Variants in KIF6 observed in about 807,000 individuals in gnomAD.
KIF6 encodes the protein kinesin family member 6.
In KIF6, 106 loss-of-function variants were observed where a neutral mutation model predicts 112.7. The ratio of observed to expected loss-of-function variants is 0.94; its 90% CI spans 0.80 to 1.11. KIF6 has a LOEUF of 1.11. KIF6 is among the 50% of genes least tolerant of loss of function. The pLI is 0.00. For missense variants in KIF6, 929 were observed against 964.0 expected, an observed-to-expected ratio of 0.96 and a Z score of 0.48; for synonymous variants, 339 against 339.9, an observed-to-expected ratio of 1.00 and a Z score of 0.03.
At chr6:39,385,351 G>C (rs1767320774) in intron 16 of KIF6, among the ~76,000 whole-genome samples, 1 of 152,168 alleles carries the variant, frequency 6.6e-6, no homozygotes, top group African/African-American at 2.4e-5. Context: ...ATTTAGGTGG[G>C]GATGTGGGGT....
intron 10 of KIF6, among the ~76,000 whole-genome samples, chr6:39,551,352 G>A (rs1026621864): frequency 6.6e-6 from 1 of 152,140 alleles, no homozygotes; most frequent in Non-Finnish European, 1.5e-5. Context: ...AGAGTAGTGG[G>A]GAGAGAGAGG....
intron 19 of KIF6, among the ~76,000 whole-genome samples, chr6:39,347,917 G>A (rs1436511969): frequency 1.3e-5 from 2 of 152,242 alleles, no homozygotes; most frequent in Non-Finnish European, 2.9e-5. Flanking sequence ...CCATTTCCTA[G>A]CAGTGGAGAG....
At position 39,719,877 on chromosome 6, in the gene KIF6, G is replaced by A. The variant is rs1426670680; in HGVS notation, c.176+825C>T. ...GCAGGCCTGTAGTTCCAGCTATTCAGGAGGCTAAGGTGGGAGGATCACTGG... is the reference window on the plus strand; with the variant it reads ...GCAGGCCTGTAGTTCCAGCTATTCAAGAGGCTAAGGTGGGAGGATCACTGG... On this transcript the variant is annotated intron_variant, in intron 2 of 22. Transcript: ENST00000287152. 2.6e-5 allele frequency among the ~76,000 whole-genome samples: 4 copies of A among 152,114 alleles called. No individual in the cohort carries two copies. The East Asian group carries it at 7.7e-4, about 29-fold the overall frequency.
At chr6:39,357,228 G>T in intron 19 of KIF6, 49 bp downstream of exon 19, 1 of 1,160,434 alleles carries the variant, frequency 8.6e-7, no homozygotes, top group South Asian at 1.3e-5. Context: ...CAGAAAGGTA[G>T]GGAGCCTTTT....
intron 3 of KIF6, among the ~76,000 whole-genome samples, chr6:39,683,197 T>C (rs1582441888): frequency 6.6e-6 from 1 of 152,228 alleles, no homozygotes; most frequent in East Asian, 1.9e-4. Flanking sequence ...ATGATCTGCA[T>C]TTTTAAAAGC....
intron 13 of KIF6, among the ~76,000 whole-genome samples, chr6:39,463,294 A>G (rs1172927395): frequency 6.6e-6 from 1 of 152,164 alleles, no homozygotes; most frequent in Non-Finnish European, 1.5e-5. Flanking sequence ...TTTAAATACT[A>G]TGTAAGCCTC....
intron 13 of KIF6, among the ~76,000 whole-genome samples, chr6:39,457,513 C>T (rs1472827324): frequency 6.7e-6 from 1 of 150,140 alleles, no homozygotes; most frequent in Non-Finnish European, 1.5e-5. Flanking sequence ...CAAGAAATAA[C>T]TAAAATCAGA....
At chr6:39,566,779 A>C (rs555789443) in intron 10 of KIF6, among the ~76,000 whole-genome samples, 16 of 152,218 alleles carry the variant, frequency 1.1e-4, no homozygotes, top group Non-Finnish European at 2.2e-4. Context: ...GTTTTTAATT[A>C]GCTGTGAAAT....
chr6:39,406,336 G>T (rs1055120134), intron 15 of KIF6, among the ~76,000 whole-genome samples: 1 of 152,042 alleles, frequency 6.6e-6, no homozygotes, highest in African/African-American at 2.4e-5. Context: ...CCTGGTATTG[G>T]TTATTTTGTC....
chr6:39,467,805 G>A (rs1246289487), intron 13 of KIF6, among the ~76,000 whole-genome samples: 2 of 152,160 alleles, frequency 1.3e-5, no homozygotes, highest in Non-Finnish European at 2.9e-5. Flanking sequence ...AATAGAAACT[G>A]CCTATGAAAG....
At chr6:39,433,597 C>T (rs1205779598) in intron 13 of KIF6, among the ~76,000 whole-genome samples, 3 of 152,164 alleles carry the variant, frequency 2.0e-5, no homozygotes, top group Admixed American at 6.5e-5. Context: ...AGTTGGAGTT[C>T]TTTGATTGTG....
rs114694684 is a variant in KIF6, at chr6:39,342,817, G to A, written c.2428+892C>T. 0.014 allele frequency: 13,413 copies of A among 985,220 alleles called. 533 individuals are homozygous for A. Among genetic ancestry groups the A allele is most frequent in the African/African-American group, 0.11 (6,563 of 57,214 alleles). 61.0% of individuals were successfully genotyped at this position (985,220 alleles called of 1,614,324 possible). ...ACCAAGGCCGGCTCTCAGTTGCGGC[G>A]CTCCATCCATGCACAAACCTCTTCC... On this transcript the variant is annotated intron_variant, in intron 22 of 22. Transcript: ENST00000287152. The surrounding 1 kb of genome is among the most constrained non-coding windows in gnomAD (Gnocchi z 4.7).
chr6:39,345,619 T>C (rs1256332325), intron 21 of KIF6, 81 bp downstream of exon 21: 1 of 1,194,818 alleles, frequency 8.4e-7, no homozygotes, highest in Non-Finnish European at 1.2e-6. Flanking sequence ...GAGGGGCTTT[T>C]TCGGGGAGTA....
intron 13 of KIF6, among the ~76,000 whole-genome samples, chr6:39,518,911 C>T (rs1009615417): frequency 3.9e-5 from 6 of 152,250 alleles, no homozygotes; most frequent in African/African-American, 1.2e-4. Context: ...CCCCATCATC[C>T]GAAAACTCAG....
chr6:39,641,342 T>C (rs1319123584), intron 3 of KIF6, among the ~76,000 whole-genome samples: 2 of 152,122 alleles, frequency 1.3e-5, no homozygotes, highest in African/African-American at 4.8e-5. Flanking sequence ...ATGTCCTTTG[T>C]AGGGACATGG....
In KIF6 at chr6:39,683,186, TATG is replaced by T. The variant is rs570360728; in HGVS notation, c.251+31503_251+31505del. 9.3e-4 allele frequency among the ~76,000 whole-genome samples: 141 copies of T among 152,320 alleles called. 1 individual carries two copies. Among genetic ancestry groups the T allele is most frequent in the Non-Finnish European group, 1.3e-3 (91 of 68,028 alleles). Reference sequence around the variant, plus strand: ...CACTTTAAACAGGGGGATGATTGGATATGATCTGCATTTTTAAAAGCTCATTTT... The same window carrying T: ...CACTTTAAACAGGGGGATGATTGGATATCTGCATTTTTAAAAGCTCATTTT... On this transcript the variant is annotated intron_variant, in intron 3 of 22. Coordinates refer to ENST00000287152, the MANE Select transcript of KIF6 (RefSeq NM_145027.6).
At chr6:39,562,739 C>T (rs1780077665) in intron 10 of KIF6, among the ~76,000 whole-genome samples, 1 of 152,172 alleles carries the variant, frequency 6.6e-6, no homozygotes. Flanking sequence ...TATAAAATGT[C>T]TAATCCAATG....
At chr6:39,691,680 A>T (rs758173536) in intron 3 of KIF6, 1 of 152,228 alleles carries the variant, frequency 6.6e-6, no homozygotes, top group Non-Finnish European at 1.5e-5. Context: ...TTACATAAGT[A>T]AAAGGCATCA....
rs570248405 is a variant in KIF6, at chr6:39,340,301, G to A, written c.2428+3408C>T. Reference sequence around the variant, plus strand: ...ATTACTTCCAGGCTGCTGTTTATTTGGAGAGCAAAGCTCCCCAGCTGCAGG... The same window carrying A: ...ATTACTTCCAGGCTGCTGTTTATTTAGAGAGCAAAGCTCCCCAGCTGCAGG... On this transcript the variant is annotated intron_variant, in intron 22 of 22. Transcript: ENST00000287152. Among the ~76,000 whole-genome samples the A allele has an allele frequency of 2.0e-5, 3 of 152,216 alleles. No individual in the cohort carries two copies. In the East Asian group the frequency reaches 5.8e-4, roughly 29 times the overall value.
Sources: gnomAD v4.1 joint callset for allele counts (sites outside exome capture counted in the v4.1 genomes callset) on GRCh38, gnomAD v4.1.1 for gene constraint, Gnocchi (gnomAD v3.1) non-coding constraint, MANE v1.5 for transcripts, NCBI Gene and HGNC (gene_info 2026-07-23, HGNC 2026-07-21) for gene names.